DEPDC7: variants seen among roughly 807,000 people sequenced by gnomAD.
DEPDC7 encodes DEP domain-containing protein 7.
Under a neutral mutation model 56.6 loss-of-function variants are expected in DEPDC7, and 41 were observed. That is an observed-to-expected ratio of 0.72 (90% CI 0.56 to 0.94). The LOEUF (loss-of-function observed/expected upper bound fraction) is 0.94, where lower values mean the gene tolerates loss of function less well. Among genes scored for constraint, DEPDC7 ranks in the 40% least tolerant of loss-of-function variants. DEPDC7 has a pLI of 0.00. For missense variants in DEPDC7, 522 were observed against 596.3 expected (o/e 0.88, Z 1.30); for synonymous variants, 185 against 208.8 (o/e 0.89, Z 0.98).
intron 1 of DEPDC7, among the ~76,000 whole-genome samples, chr11:33,025,040 C>T (rs1853563189): frequency 6.6e-6 from 1 of 152,110 alleles, no homozygotes; most frequent in African/African-American, 2.4e-5. Context: ...TTATACATAA[C>T]TGGTAACTGC....
Position 33,025,925 on chromosome 11 carries a change from A to G in DEPDC7, c.340A>G (p.Lys114Glu). ...DYKVFEAVPT[K>E]VFGKDKKPTF... ...CAAAGTATTTGAAGCAGTTCCAACC[A>G]AAGTCTTTGGAAAAGACAAAAAACC... The change falls in exon 2 of 9, where the codon AAA (lysine) becomes GAA (glutamate). Residue 114 changes from lysine (K) to glutamate (E), a missense_variant. Coordinates refer to ENST00000241051, the MANE Select transcript of DEPDC7 (RefSeq NM_001077242.2). 1 of 1,614,138 alleles carries G rather than the reference A, an allele frequency of 6.2e-7. No homozygotes were observed. Among genetic ancestry groups the G allele is most frequent in the Non-Finnish European group, 8.5e-7 (1 of 1,180,008 alleles).
At chr11:33,016,244 C>T in intron 1 of DEPDC7, 12 of 1,325,006 alleles carry the variant, frequency 9.1e-6, no homozygotes, top group Non-Finnish European at 1.1e-5. Flanking sequence ...AGCGGCAGAG[C>T]CCGCCCGCAC....
intron 4 of DEPDC7, 99 bp downstream of exon 4, chr11:33,028,891 A>T: frequency 1.2e-6 from 1 of 804,412 alleles, no homozygotes; most frequent in Non-Finnish European, 1.8e-6. Context: ...ATAGGATCAG[A>T]TATGCATTGT....
At chr11:33,017,529 A>C (rs1009906442) in intron 1 of DEPDC7, among the ~76,000 whole-genome samples, 10 of 152,192 alleles carry the variant, frequency 6.6e-5, no homozygotes, top group African/African-American at 2.4e-4. Context: ...TCCTCGGCAC[A>C]CTAGCTGCAG....
Position 33,033,580 on chromosome 11 carries a change from T to TA in DEPDC7, c.*127dup. 3.2e-6 allele frequency: 2 copies of TA among 623,464 alleles called. No homozygotes were observed. The highest frequency in any genetic ancestry group is 3.0e-5 in the East Asian group (1 of 33,054). 38.6% of individuals were successfully genotyped at this position (623,464 alleles called of 1,614,324 possible). The stretch of plus-strand genomic sequence containing the variant: ...TGTACTTAATAAAAATTTTTTTGTA[T>TA]AACTTCGTGTGTCAGAAGCTATTAG... On this transcript the variant is annotated 3_prime_UTR_variant, in exon 9 of 9. Transcript: ENST00000241051.
intron 1 of DEPDC7, 76 bp from the exon 2 acceptor site, chr11:33,025,583 C>T: frequency 7.1e-7 from 1 of 1,415,328 alleles, no homozygotes; most frequent in Non-Finnish European, 9.6e-7. Context: ...ACATTTTTGC[C>T]TAAGGATTGC....
At chr11:33,016,586 GTATTTAT>G (rs1666020217) in intron 1 of DEPDC7, 2 of 1,613,942 alleles carry the variant, frequency 1.2e-6, no homozygotes, top group African/African-American at 2.7e-5. Context: ...GGCATAAAAG[GTATTTAT>G]TAACACTTTA....
rs775743424 is a variant in DEPDC7 at position 33,015,997 on chromosome 11, G to A, written c.42G>A (p.Ser14=). Residue 14 remains serine (S), a synonymous_variant, in exon 1 of 9, where the codon TCG becomes TCA. Coordinates refer to ENST00000241051, the MANE Select transcript of DEPDC7 (RefSeq NM_001077242.2). ...AGAAGGCTGCTGCGCTGAACCTCTC[G>A]GCTCTCCACAGCCCCGCGCACAGGC... ...VQEKAAALNL[S]ALHSPAHRPP... 5.1e-6 allele frequency: 8 copies of A among 1,571,042 alleles called. No homozygotes were observed. Among genetic ancestry groups the A allele is most frequent in the Non-Finnish European group, 6.9e-6 (8 of 1,159,364 alleles).
In DEPDC7 at chr11:33,032,687, T is replaced by C. The variant is rs1853645825; in HGVS notation, c.1157T>C (p.Val386Ala). ...LQKESDNRMV[V>A]KRIFSKAIVD... ...TTATAGAGTGACAACCGAATGGTTG[T>C]GAAAAGGATATTCTCAAAAGCTATT... The change falls in exon 7 of 9, where the codon GTG becomes GCG. Residue 386 changes from valine to alanine, a missense_variant. Coordinates refer to ENST00000241051, the MANE Select transcript of DEPDC7 (RefSeq NM_001077242.2). The C allele has an allele frequency of 6.3e-7, 1 of 1,594,228 alleles. No homozygotes were observed. Among genetic ancestry groups the C allele is most frequent in the Admixed American group, 1.8e-5 (1 of 56,670 alleles).
At chr11:33,028,860 ATCTGT>A (rs1432476079) in intron 4 of DEPDC7, 68 bp downstream of exon 4, 3 of 1,229,764 alleles carry the variant, frequency 2.4e-6, no homozygotes, top group African/African-American at 3.0e-5. Context: ...TTTTAAGGTA[ATCTGT>A]TCTATTCTTT....
intron 8 of DEPDC7, 120 bp from the exon 9 acceptor site, chr11:33,033,142 T>G (rs933136731): frequency 8.1e-5 from 72 of 891,858 alleles, no homozygotes; most frequent in Admixed American, 4.0e-4. Context: ...GTGCTTACCA[T>G]CTTCAGTGCA....
intron 4 of DEPDC7, among the ~76,000 whole-genome samples, chr11:33,031,072 G>A (rs547990696): frequency 6.6e-6 from 1 of 152,324 alleles, no homozygotes; most frequent in South Asian, 2.1e-4. Context: ...GGTCTCCATC[G>A]TAAATGTGAA....
In DEPDC7 at chr11:33,032,396, T is replaced by G. The variant is rs760008230; in HGVS notation, c.1055T>G (p.Phe352Cys). The change falls in exon 6 of 9, where the codon TTC (phenylalanine) becomes TGC (cysteine). Residue 352 changes from phenylalanine (F) to cysteine (C), a missense_variant. By Grantham distance (205) the Phe-to-Cys change is radical. Coordinates refer to ENST00000241051, the MANE Select transcript of DEPDC7 (RefSeq NM_001077242.2). Reference sequence around the variant, plus strand: ...CAGCTCCTTCTAAAGCTTTTAGATTTCCAAAATAGAGAAGAATTTAGAAGA... The same window carrying G: ...CAGCTCCTTCTAAAGCTTTTAGATTGCCAAAATAGAGAAGAATTTAGAAGA... ...ATQLLLKLLD[F>C]QNREEFRRLL... 1 of 1,580,636 alleles carries G rather than the reference T, an allele frequency of 6.3e-7. No homozygotes were observed. The highest frequency in any genetic ancestry group is 1.2e-5 in the South Asian group (1 of 84,610).
intron 1 of DEPDC7, chr11:33,016,540 A>G: frequency 1.9e-6 from 3 of 1,614,106 alleles, no homozygotes; most frequent in Non-Finnish European, 2.5e-6. Context: ...CCTGGGAGGG[A>G]TGAGAGGTTT....
chr11:33,023,556 C>T (rs533817663), intron 1 of DEPDC7, among the ~76,000 whole-genome samples: 123 of 151,974 alleles, frequency 8.1e-4, no homozygotes, highest in Non-Finnish European at 1.4e-3. Context: ...ATTTATTAGA[C>T]GGAGTCTTGC....
chr11:33,024,304 A>G (rs1268850950), intron 1 of DEPDC7, among the ~76,000 whole-genome samples: 3 of 152,214 alleles, frequency 2.0e-5, no homozygotes, highest in Non-Finnish European at 4.4e-5. Context: ...AATAGGTCAT[A>G]AGCTCCTATA....
chr11:33,032,478 A>G lies in DEPDC7; in HGVS notation c.1137A>G (p.Glu379=). 6.4e-7 allele frequency: 1 copy of G among 1,556,000 alleles called. No homozygotes were observed. The highest frequency in any genetic ancestry group is 2.3e-5 in the Admixed American group (1 of 42,566). Residue 379 remains glutamate, a splice_region_variant and synonymous_variant, in exon 6 of 9, where the codon GAA becomes GAG. Coordinates refer to ENST00000241051, the MANE Select transcript of DEPDC7 (RefSeq NM_001077242.2). ...ANPSEFKLQK[E]SDNRMVVKRI... is the part of the protein sequence containing the mutation. ...CTTCTGAGTTTAAATTACAGAAAGA[A>G]GTAAGTCTTTTGTTTAACTGTTAGT...
At chr11:33,029,732 G>A (rs1853613838) in intron 4 of DEPDC7, among the ~76,000 whole-genome samples, 1 of 152,134 alleles carries the variant, frequency 6.6e-6, no homozygotes, top group African/African-American at 2.4e-5. Context: ...TTAGCAGATA[G>A]TGTTCCAGTC....
chr11:33,016,186 C>A, intron 1 of DEPDC7, 158 bp downstream of exon 1: 1 of 1,265,590 alleles, frequency 7.9e-7, no homozygotes, highest in Non-Finnish European at 9.9e-7. Flanking sequence ...TTGGCCAACG[C>A]CCCCGCCGAG....
Sources: gnomAD v4.1 joint callset for allele counts (sites outside exome capture counted in the v4.1 genomes callset) on GRCh38, gnomAD v4.1.1 for gene constraint, MANE v1.5 for transcripts, NCBI Gene and HGNC (gene_info 2026-07-23, HGNC 2026-07-21) for gene names.